Variants in ZDHHC2 observed in about 807,000 individuals in gnomAD.
ZDHHC2 encodes palmitoyltransferase ZDHHC2.
Under a neutral mutation model 55.6 loss-of-function variants are expected in ZDHHC2, and 51 were observed. The observed-to-expected ratio is 0.92, with a 90% CI of 0.73 to 1.16. ZDHHC2 has a LOEUF of 1.16. ZDHHC2 is among the 50% of genes most tolerant of loss of function. ZDHHC2 has a pLI of 0.00. For synonymous variants in ZDHHC2, 199 were observed against 152.9 expected, an observed-to-expected ratio of 1.30 and a Z score of -2.22; for missense variants, 491 against 442.4, an observed-to-expected ratio of 1.11 and a Z score of -0.99.
intron 1 of ZDHHC2, among the ~76,000 whole-genome samples, chr8:17,161,858 C>G (rs1237752850): frequency 6.6e-6 from 1 of 151,652 alleles, no homozygotes; most frequent in African/African-American, 2.4e-5. Flanking sequence ...GAGACCCTGT[C>G]TCAAAAAAAT....
chr8:17,183,318 C>T (rs1193650504), intron 1 of ZDHHC2, among the ~76,000 whole-genome samples: 1 of 152,094 alleles, frequency 6.6e-6, no homozygotes, highest in Non-Finnish European at 1.5e-5. Flanking sequence ...AGGGTGTAGT[C>T]AGTGTCTAGA....
chr8:17,220,022 CAG>C (rs1220801689), intron 12 of ZDHHC2, among the ~76,000 whole-genome samples: 2 of 77,706 alleles, frequency 2.6e-5, no homozygotes, highest in Non-Finnish European at 5.3e-5. Flanking sequence ...CCTACTGAAT[CAG>C]AGTCTGCAAT....
At chr8:17,206,676 A>G (rs1309070516) in intron 7 of ZDHHC2, among the ~76,000 whole-genome samples, 1 of 152,204 alleles carries the variant, frequency 6.6e-6, no homozygotes, top group Non-Finnish European at 1.5e-5. Flanking sequence ...TTTATACACT[A>G]TATATTTTAA....
chr8:17,170,010 C>T (rs1434445124), intron 1 of ZDHHC2, among the ~76,000 whole-genome samples: 1 of 152,130 alleles, frequency 6.6e-6, no homozygotes. Flanking sequence ...ATGACAATGT[C>T]AGATTTATTT....
chr8:17,197,573 T>C lies in ZDHHC2; in HGVS notation c.374-9T>C. 1.2e-6 allele frequency: 2 copies of C among 1,612,852 alleles called. No homozygotes were observed. The highest frequency in any genetic ancestry group is 1.3e-5 in the African/African-American group (1 of 75,042). ...AACTCTAAGACTAAGTGGAGCTTTTTGTCCCTAGCCATCCGATACTGTGAC... is the reference window on the plus strand; with the variant it reads ...AACTCTAAGACTAAGTGGAGCTTTTCGTCCCTAGCCATCCGATACTGTGAC... On this transcript the variant is annotated splice_polypyrimidine_tract_variant and intron_variant, in intron 4 of 12. Coordinates refer to ENST00000262096, the MANE Select transcript of ZDHHC2 (RefSeq NM_016353.5).
At chr8:17,164,293 T>G (rs374481790) in intron 1 of ZDHHC2, among the ~76,000 whole-genome samples, 14 of 152,334 alleles carry the variant, frequency 9.2e-5, no homozygotes, top group East Asian at 3.9e-4. Flanking sequence ...CAAAATTATA[T>G]GCTGCATTTC....
intron 1 of ZDHHC2, among the ~76,000 whole-genome samples, chr8:17,174,890 TTTTG>T (rs906857860): frequency 4.6e-5 from 7 of 151,464 alleles, no homozygotes; most frequent in Admixed American, 6.6e-5. Flanking sequence ...GTGGGGTTTT[TTTTG>T]TTTGTTTGTT....
chr8:17,199,465 A>ACTTCTTCTTCTTCGT (rs1483849530), intron 6 of ZDHHC2, among the ~76,000 whole-genome samples: 8 of 98,556 alleles, frequency 8.1e-5, no homozygotes, highest in African/African-American at 3.2e-4. Context: ...CTTTAATAAG[A>ACTTCTTCTTCTTCGT]CTTCTTCTTC....
intron 3 of ZDHHC2, among the ~76,000 whole-genome samples, chr8:17,190,483 G>C (rs1250970681): frequency 6.6e-6 from 1 of 151,354 alleles, no homozygotes; most frequent in Non-Finnish European, 1.5e-5. Context: ...GAGACCTCTC[G>C]CTTGTAAAAT....
chr8:17,163,938 AT>A (rs1263770504), intron 1 of ZDHHC2, among the ~76,000 whole-genome samples: 1 of 152,102 alleles, frequency 6.6e-6, no homozygotes. Context: ...ATTGTTGAAA[AT>A]TTTTTCCTAA....
chr8:17,197,601 A>G lies in ZDHHC2; in HGVS notation c.393A>G (p.Arg131=). The G allele has an allele frequency of 6.2e-7, 1 of 1,613,848 alleles. No homozygotes were observed. The highest frequency in any genetic ancestry group is 8.5e-7 in the Non-Finnish European group (1 of 1,179,760). Residue 131 remains arginine, a synonymous_variant, in exon 5 of 13, where the codon AGA becomes AGG. Transcript: ENST00000262096. ...CCCTAGCCATCCGATACTGTGACAG[A>G]TGCCAACTTATAAAACCAGATCGCT... is the stretch of plus-strand genomic sequence containing the variant. ...TMSGAIRYCD[R]CQLIKPDRCH... is the part of the protein sequence containing the mutation.
chr8:17,193,530 AC>A (rs1806144413), intron 3 of ZDHHC2, among the ~76,000 whole-genome samples: 2 of 152,178 alleles, frequency 1.3e-5, no homozygotes, highest in African/African-American at 4.8e-5. Context: ...CATTATGTCC[AC>A]TGCCTGCCTC....
At chr8:17,201,373 A>G (rs1438052807) in intron 6 of ZDHHC2, among the ~76,000 whole-genome samples, 1 of 151,858 alleles carries the variant, frequency 6.6e-6, no homozygotes, top group Non-Finnish European at 1.5e-5. Flanking sequence ...GAATATATAA[A>G]AAATCTTTTT....
intron 6 of ZDHHC2, among the ~76,000 whole-genome samples, chr8:17,201,479 C>CTTTTTTTTTGTTT (rs1563163077): frequency 1.1e-5 from 1 of 88,194 alleles, no homozygotes. Flanking sequence ...CTCTCTCTCT[C>CTTTTTTTTTGTTT]TCTTTTTTTT....
chr8:17,158,773 C>T (rs1804191273), intron 1 of ZDHHC2, among the ~76,000 whole-genome samples: 1 of 152,208 alleles, frequency 6.6e-6, no homozygotes, highest in South Asian at 2.1e-4. Context: ...TTATCTATCA[C>T]TTCTTGTCCC....
intron 12 of ZDHHC2, among the ~76,000 whole-genome samples, chr8:17,219,044 G>C (rs2150952936): frequency 6.6e-6 from 1 of 151,816 alleles, no homozygotes; most frequent in Admixed American, 6.6e-5. Flanking sequence ...AATGTCAGGA[G>C]CTCAAGACCA....
At chr8:17,175,066 C>G (rs1223665811) in intron 1 of ZDHHC2, among the ~76,000 whole-genome samples, 1 of 152,136 alleles carries the variant, frequency 6.6e-6, no homozygotes, top group Non-Finnish European at 1.5e-5. Flanking sequence ...CCAGTAATTT[C>G]TGGGCCATTT....
chr8:17,205,068 C>G lies in ZDHHC2; in HGVS notation c.477-587C>G, dbSNP rs578117067. On this transcript the variant is annotated intron_variant, in intron 6 of 12. Transcript: ENST00000262096. Reference sequence around the variant, plus strand: ...CAGATAAAGAAAATGAAATTCTAATCGATGATTTCACTTCCTCAGGGCCAC... The same window carrying G: ...CAGATAAAGAAAATGAAATTCTAATGGATGATTTCACTTCCTCAGGGCCAC... Among the ~76,000 whole-genome samples, 5 of 152,214 alleles carry G rather than the reference C, an allele frequency of 3.3e-5. No individual in the cohort carries two copies. In the East Asian group the frequency reaches 9.7e-4, roughly 29 times the overall value.
Position 17,205,068 on chromosome 8 carries a change from C to A in ZDHHC2, c.477-587C>A, listed in dbSNP as rs578117067. 1.8e-4 allele frequency among the ~76,000 whole-genome samples: 28 copies of A among 152,214 alleles called. No individual in the cohort carries two copies. In the South Asian group the frequency reaches 5.4e-3, roughly 29 times the overall value. ...CAGATAAAGAAAATGAAATTCTAAT[C>A]GATGATTTCACTTCCTCAGGGCCAC... On this transcript the variant is annotated intron_variant, in intron 6 of 12. Transcript: ENST00000262096.
Sources: allele counts gnomAD v4.1 joint callset (sites outside exome capture counted in the v4.1 genomes callset), GRCh38; gene constraint gnomAD v4.1.1; transcripts MANE v1.5; gene names NCBI Gene and HGNC (gene_info 2026-07-23, HGNC 2026-07-21).